TTC33: variants seen among roughly 807,000 people sequenced by gnomAD.
The protein encoded by TTC33 is tetratricopeptide repeat protein 33.
Under a neutral mutation model 29.4 loss-of-function variants are expected in TTC33, and 24 were observed. The ratio of observed to expected loss-of-function variants is 0.82; its 90% confidence interval spans 0.59 to 1.15. The LOEUF is 1.15. TTC33 is among the 50% of genes most tolerant of loss of function. TTC33 has a pLI of 0.00. For synonymous variants in TTC33, 107 were observed against 100.3 expected, an observed-to-expected ratio of 1.07 and a Z score of -0.40; for missense variants, 286 against 310.4, an observed-to-expected ratio of 0.92 and a Z score of 0.59.
chr5:40,754,016 T>C (rs1238096415), intron 1 of TTC33, among the ~76,000 whole-genome samples: 5 of 152,156 alleles, frequency 3.3e-5, no homozygotes, highest in Non-Finnish European at 7.3e-5. Context: ...ACACATCTTT[T>C]AAAATTAATA....
intron 1 of TTC33, among the ~76,000 whole-genome samples, chr5:40,751,260 T>A (rs1464987874): frequency 2.0e-5 from 3 of 152,264 alleles, no homozygotes; most frequent in Admixed American, 6.5e-5. Context: ...TTAATAGGCA[T>A]GAAAACAACA....
rs556764196 is a variant in TTC33, at chr5:40,730,122, A to C, written c.303+140T>G. 1.3e-5 allele frequency: 8 copies of C among 621,258 alleles called. No homozygotes were observed. The South Asian group carries it at 1.6e-4, about 13-fold the overall frequency. 38.5% of individuals were successfully genotyped at this position (621,258 alleles called of 1,614,324 possible). ...TATGCATAAGACAGAACCATAAATA[A>C]TGGTGAAATATTTTTTCCCAAAGAA... On this transcript the variant is annotated intron_variant, in intron 3 of 4. Coordinates refer to ENST00000337702, the MANE Select transcript of TTC33 (RefSeq NM_012382.3).
At chr5:40,722,123 TA>T (rs1313316123) in intron 4 of TTC33, among the ~76,000 whole-genome samples, 2 of 152,124 alleles carry the variant, frequency 1.3e-5, no homozygotes, top group African/African-American at 4.8e-5. Flanking sequence ...GAGAACCGCT[TA>T]AACCCGGGAG....
At chr5:40,738,437 T>A (rs1034883685) in intron 2 of TTC33, among the ~76,000 whole-genome samples, 2 of 70,248 alleles carry the variant, frequency 2.8e-5, no homozygotes, top group African/African-American at 1.2e-4. Context: ...AAATAAAATA[T>A]AAAATAAAAT....
In TTC33 at chr5:40,730,327, G is replaced by A; in HGVS notation, c.238C>T (p.Gln80Ter). Residue 80 changes from glutamine to a stop codon, truncating the protein, a stop_gained, in exon 3 of 5, where the codon CAG becomes TAG. Transcript: ENST00000337702. LOFTEE classifies it high-confidence loss of function. ...AACTGTAGTGCTTCATCCCACTTCTGAATTGCCTCCCGATATCTGTGGTTG... is the reference window on the plus strand; with the variant it reads ...AACTGTAGTGCTTCATCCCACTTCTAAATTGCCTCCCGATATCTGTGGTTG... ...AENKRYREAI[Q>*]KWDEALQLTP... 1 of 1,612,516 alleles carries A rather than the reference G, an allele frequency of 6.2e-7. No individual in the cohort carries two copies. The highest frequency in any genetic ancestry group is 8.5e-7 in the Non-Finnish European group (1 of 1,179,076).
chr5:40,732,003 T>A (rs986554100), intron 2 of TTC33, among the ~76,000 whole-genome samples: 5 of 152,218 alleles, frequency 3.3e-5, no homozygotes, highest in Non-Finnish European at 5.9e-5. Context: ...AGTAAGTGAA[T>A]ATAAATTTGG....
chr5:40,747,457 G>C (rs950292068), intron 1 of TTC33, among the ~76,000 whole-genome samples: 1 of 152,046 alleles, frequency 6.6e-6, no homozygotes, highest in Non-Finnish European at 1.5e-5. Flanking sequence ...GTGGCTGTAG[G>C]CAATAATCAT....
At chr5:40,737,754 T>C (rs1221139813) in intron 2 of TTC33, among the ~76,000 whole-genome samples, 2 of 152,232 alleles carry the variant, frequency 1.3e-5, no homozygotes, top group African/African-American at 4.8e-5. Context: ...CTACCCCAAC[T>C]GCTGACCCCA....
chr5:40,729,625 A>T (rs1460099524), intron 3 of TTC33, among the ~76,000 whole-genome samples: 1 of 152,220 alleles, frequency 6.6e-6, no homozygotes, highest in Non-Finnish European at 1.5e-5. Context: ...TGCTAAGTCT[A>T]CTATATTTAA....
At chr5:40,748,012 A>G (rs1474686625) in intron 1 of TTC33, among the ~76,000 whole-genome samples, 1 of 151,794 alleles carries the variant, frequency 6.6e-6, no homozygotes, top group East Asian at 1.9e-4. Flanking sequence ...TTTTTAGTAG[A>G]AACGGGATTT....
At chr5:40,744,116 G>T (rs1410365630) in intron 2 of TTC33, among the ~76,000 whole-genome samples, 1 of 152,184 alleles carries the variant, frequency 6.6e-6, no homozygotes, top group African/African-American at 2.4e-5. Flanking sequence ...ATGTTTTATG[G>T]ATGTACTCAA....
chr5:40,741,606 C>A (rs1250614304), intron 2 of TTC33, among the ~76,000 whole-genome samples: 4 of 152,206 alleles, frequency 2.6e-5, no homozygotes, highest in Non-Finnish European at 5.9e-5. Context: ...AAAGTCCAAT[C>A]TCCATCTCCT....
At chr5:40,739,560 C>G (rs887984932) in intron 2 of TTC33, among the ~76,000 whole-genome samples, 1 of 152,026 alleles carries the variant, frequency 6.6e-6, no homozygotes, top group Non-Finnish European at 1.5e-5. Context: ...AAGTGTGTAG[C>G]ACTCCCACTC....
At chr5:40,735,891 T>C (rs1742538677) in intron 2 of TTC33, among the ~76,000 whole-genome samples, 1 of 152,136 alleles carries the variant, frequency 6.6e-6, no homozygotes, top group Admixed American at 6.6e-5. Flanking sequence ...AGTGGATTCA[T>C]GGGGACAGAA....
chr5:40,750,799 G>A (rs1027227195), intron 1 of TTC33, among the ~76,000 whole-genome samples: 8 of 152,088 alleles, frequency 5.3e-5, no homozygotes, highest in Non-Finnish European at 7.4e-5. Context: ...TTCACCAGGC[G>A]TAGATTCCAT....
At chr5:40,743,194 A>G (rs572397795) in intron 2 of TTC33, among the ~76,000 whole-genome samples, 45 of 152,356 alleles carry the variant, frequency 3.0e-4, no homozygotes, top group African/African-American at 1.0e-3. Flanking sequence ...CAGACTGGGT[A>G]ATCAGAGAGC....
chr5:40,740,636 C>T (rs1351435702), intron 2 of TTC33, among the ~76,000 whole-genome samples: 1 of 152,158 alleles, frequency 6.6e-6, no homozygotes, highest in Non-Finnish European at 1.5e-5. Context: ...CAATGAGGGA[C>T]AACTCTGACT....
chr5:40,749,879 G>C (rs1468242988), intron 1 of TTC33, among the ~76,000 whole-genome samples: 2 of 151,780 alleles, frequency 1.3e-5, no homozygotes, highest in African/African-American at 4.8e-5. Context: ...CACGAGGTCA[G>C]GAGTTTGAGA....
intron 4 of TTC33, among the ~76,000 whole-genome samples, chr5:40,721,599 A>G (rs1349192668): frequency 6.6e-6 from 1 of 152,178 alleles, no homozygotes; most frequent in East Asian, 1.9e-4. Flanking sequence ...CATAAACAAA[A>G]GTCAACTCCA....
Sources: allele counts gnomAD v4.1 joint callset (sites outside exome capture counted in the v4.1 genomes callset), GRCh38; gene constraint gnomAD v4.1.1; transcripts MANE v1.5; gene names NCBI Gene and HGNC (gene_info 2026-07-23, HGNC 2026-07-21).